APBB2: variants seen among roughly 807,000 people sequenced by gnomAD.
APBB2 encodes the protein amyloid beta precursor protein binding family B member 2, also known as Fe65-like 1.
A neutral mutation model predicts 82.5 loss-of-function variants in APBB2; 38 were observed. The observed-to-expected ratio is 0.46, with a 90% CI of 0.36 to 0.60. The LOEUF (loss-of-function observed/expected upper bound fraction) is 0.60, where lower values mean the gene tolerates loss of function less well. APBB2 is among the 20% of genes least tolerant of loss of function. The pLI is 0.00. For missense variants in APBB2, 772 were observed against 972.3 expected (o/e 0.79, Z 2.74); for synonymous variants, 341 against 368.2 (o/e 0.93, Z 0.85).
At chr4:41,166,573 CAA>C (rs775152652) in intron 1 of APBB2, among the ~76,000 whole-genome samples, 20 of 107,200 alleles carry the variant, frequency 1.9e-4, no homozygotes, top group Non-Finnish European at 1.8e-4. Flanking sequence ...GCGAGACTGT[CAA>C]AAAAAAAAAA....
At chr4:40,881,674 C>A (rs935725432) in intron 12 of APBB2, among the ~76,000 whole-genome samples, 2 of 151,496 alleles carry the variant, frequency 1.3e-5, no homozygotes, top group African/African-American at 4.9e-5. Flanking sequence ...GCTGAGATTC[C>A]AGGTGTGCAC....
At chr4:41,017,744 C>A (rs1373006473) in intron 5 of APBB2, among the ~76,000 whole-genome samples, 1 of 152,130 alleles carries the variant, frequency 6.6e-6, no homozygotes, top group Non-Finnish European at 1.5e-5. Context: ...TCTAATTGGT[C>A]TGAGTGATTG....
intron 4 of APBB2, among the ~76,000 whole-genome samples, chr4:41,059,135 C>G (rs973469764): frequency 6.6e-6 from 1 of 151,826 alleles, no homozygotes; most frequent in Non-Finnish European, 1.5e-5. Flanking sequence ...ATACAGAACA[C>G]CCATGAAGCA....
intron 2 of APBB2, among the ~76,000 whole-genome samples, chr4:41,107,621 G>C (rs1258516432): frequency 6.6e-6 from 1 of 152,176 alleles, no homozygotes; most frequent in Non-Finnish European, 1.5e-5. Context: ...TACAAACGGA[G>C]AGTTCTGGCA....
chr4:41,108,151 CAAAA>C, intron 2 of APBB2, among the ~76,000 whole-genome samples: 1 of 151,896 alleles, frequency 6.6e-6, no homozygotes, highest in East Asian at 1.9e-4. Context: ...GACACAGACA[CAAAA>C]AAACAGAAGA....
chr4:41,008,980 TC>T (rs1807563923), intron 6 of APBB2, among the ~76,000 whole-genome samples: 1 of 152,220 alleles, frequency 6.6e-6, no homozygotes, highest in Admixed American at 6.5e-5. Context: ...CTACACAAGA[TC>T]CATCTAGTTT....
intron 6 of APBB2, among the ~76,000 whole-genome samples, chr4:40,971,727 C>T (rs1040353580): frequency 6.6e-6 from 1 of 152,112 alleles, no homozygotes; most frequent in Non-Finnish European, 1.5e-5. Context: ...AGAAAGAAAA[C>T]CTATCATATA....
rs147543620 is a variant in APBB2, at chr4:40,822,068, C to T, written c.1933-18G>A. The T allele has an allele frequency of 1.0e-4, 161 of 1,612,700 alleles. No individual in the cohort carries two copies. In the African/African-American group the frequency reaches 1.7e-3, roughly 17 times the overall value. ...TCTTCATTCTGCAAGAGACATTATG[C>T]GGCATCCAATCAGGAGATCCCAGGA... On this transcript the variant is annotated intron_variant, in intron 16 of 17. Transcript: ENST00000508593.
chr4:40,846,597 G>T (rs1324026840), intron 12 of APBB2, among the ~76,000 whole-genome samples: 1 of 152,146 alleles, frequency 6.6e-6, no homozygotes, highest in Non-Finnish European at 1.5e-5. Flanking sequence ...AACCGTCTCT[G>T]ACCAAGTGTG....
chr4:40,860,528 T>C (rs978097006), intron 12 of APBB2, among the ~76,000 whole-genome samples: 1 of 152,232 alleles, frequency 6.6e-6, no homozygotes, highest in Non-Finnish European at 1.5e-5. Context: ...CCCTGGACTC[T>C]GTCCTATGTG....
Position 40,949,987 on chromosome 4 carries a change from C to T in APBB2, c.836-4914G>A, listed in dbSNP as rs113431385. ...CGGCACTGGACAGCCTAAAACGCAC[C>T]GTGGGAACCCAACTCAGAGCGACTC... On this transcript the variant is annotated intron_variant, in intron 6 of 17. Coordinates refer to ENST00000508593, the MANE Select transcript of APBB2 (RefSeq NM_004307.2). 7.2e-5 allele frequency among the ~76,000 whole-genome samples: 11 copies of T among 152,192 alleles called. No homozygotes were observed. In the South Asian group the frequency reaches 1.9e-3, roughly 26 times the overall value.
At chr4:41,169,858 T>G (rs1336323168) in intron 1 of APBB2, among the ~76,000 whole-genome samples, 4 of 52,152 alleles carry the variant, frequency 7.7e-5, no homozygotes, top group Non-Finnish European at 1.1e-4. Context: ...TTACTGTAGG[T>G]TTTTTTTTTT....
intron 2 of APBB2, among the ~76,000 whole-genome samples, chr4:41,134,452 C>T (rs1186627653): frequency 2.0e-5 from 3 of 152,046 alleles, no homozygotes; most frequent in Non-Finnish European, 4.4e-5. Context: ...GGCATGGTGG[C>T]GGGTGCCTGT....
At chr4:41,212,752 C>T (rs1779642249) in intron 1 of APBB2, among the ~76,000 whole-genome samples, 1 of 152,138 alleles carries the variant, frequency 6.6e-6, no homozygotes, top group African/African-American at 2.4e-5. Flanking sequence ...TGTACCCCAC[C>T]ACCTTCCGCC....
At chr4:40,913,649 A>G (rs1474147535) in intron 10 of APBB2, among the ~76,000 whole-genome samples, 1 of 152,168 alleles carries the variant, frequency 6.6e-6, no homozygotes, top group Non-Finnish European at 1.5e-5. Flanking sequence ...CCCAATGCAC[A>G]TGTTCCTAGC....
At chr4:41,134,718 C>T (rs1170052252) in intron 2 of APBB2, among the ~76,000 whole-genome samples, 4 of 152,090 alleles carry the variant, frequency 2.6e-5, no homozygotes, top group South Asian at 2.1e-4. Context: ...AGTCTGCCCC[C>T]GCCTTGAGCC....
intron 10 of APBB2, among the ~76,000 whole-genome samples, chr4:40,921,557 C>T (rs552083392): frequency 1.3e-5 from 2 of 152,270 alleles, no homozygotes; most frequent in South Asian, 2.1e-4. Flanking sequence ...GTTTCTAGCT[C>T]TCAACCAAAA....
chr4:40,948,890 C>CAAAAAAAAAA (rs59172492), intron 6 of APBB2, among the ~76,000 whole-genome samples: 10 of 101,578 alleles, frequency 9.8e-5, no homozygotes, highest in African/African-American at 3.2e-4. Context: ...ATCCTGTCTC[C>CAAAAAAAAAA]AAAAAAAAAA....
chr4:41,045,500 G>C (rs1202299464), intron 4 of APBB2, among the ~76,000 whole-genome samples: 2 of 152,050 alleles, frequency 1.3e-5, no homozygotes, highest in African/African-American at 4.8e-5. Context: ...CACCGCGTTA[G>C]CCAGGATAGC....
Sources: allele counts gnomAD v4.1 joint callset (sites outside exome capture counted in the v4.1 genomes callset), GRCh38; gene constraint gnomAD v4.1.1; transcripts MANE v1.5; gene names NCBI Gene and HGNC (gene_info 2026-07-23, HGNC 2026-07-21).